Variants in OSBPL9 observed in about 807,000 individuals in gnomAD.
The protein encoded by OSBPL9 is oxysterol binding protein like 9.
OSBPL9 carries 40 observed loss-of-function variants against 106.6 expected under a neutral mutation model. That is an observed-to-expected ratio of 0.38 (90% CI 0.29 to 0.49). The LOEUF is 0.49. Among genes scored for constraint, OSBPL9 ranks in the 20% least tolerant of loss-of-function variants. The pLI is 0.97. For missense variants in OSBPL9, 609 were observed against 887.2 expected (o/e 0.69, Z 3.98); for synonymous variants, 269 against 295.4 (o/e 0.91, Z 0.92).
At chr1:51,752,071 G>A (rs570857878) in intron 8 of OSBPL9, among the ~76,000 whole-genome samples, 57 of 152,130 alleles carry the variant, frequency 3.7e-4, no homozygotes, top group African/African-American at 1.1e-3. Flanking sequence ...AAATGAGACC[G>A]TGTCACTTGC....
intron 1 of OSBPL9, among the ~76,000 whole-genome samples, chr1:51,593,717 T>C (rs1645287282): frequency 6.6e-6 from 1 of 152,070 alleles, no homozygotes; most frequent in Non-Finnish European, 1.5e-5. Flanking sequence ...AAAACAGTAT[T>C]ACTTGTATCA....
chr1:51,763,164 C>T (rs1671882485), intron 11 of OSBPL9, among the ~76,000 whole-genome samples: 1 of 152,002 alleles, frequency 6.6e-6, no homozygotes, highest in African/African-American at 2.4e-5. Flanking sequence ...CGCCACCACG[C>T]CCCACAAATT....
chr1:51,777,327 T>C (rs777439065), intron 15 of OSBPL9, among the ~76,000 whole-genome samples: 67 of 152,352 alleles, frequency 4.4e-4, no homozygotes, highest in Admixed American at 2.5e-3. Flanking sequence ...GGAAAAGTCA[T>C]GTCTGCCCTT....
intron 1 of OSBPL9, among the ~76,000 whole-genome samples, chr1:51,581,512 G>C (rs994431632): frequency 1.3e-5 from 2 of 152,190 alleles, no homozygotes; most frequent in Non-Finnish European, 2.9e-5. Context: ...GCAGTGGGGA[G>C]ATATGCTCCA....
At chr1:51,537,355 A>G in the OSBPL9 span, among the ~76,000 whole-genome samples, 1 of 152,090 alleles carries the variant, frequency 6.6e-6, no homozygotes, top group Non-Finnish European at 1.5e-5. Flanking sequence ...AAGATGTTCC[A>G]GGCTTATCTT....
At chr1:51,722,945 G>C (rs556461397) in intron 4 of OSBPL9, among the ~76,000 whole-genome samples, 1 of 152,308 alleles carries the variant, frequency 6.6e-6, no homozygotes, top group Non-Finnish European at 1.5e-5. Context: ...CAAATGCCTA[G>C]GGTAAATATG....
chr1:51,555,287 C>A, the OSBPL9 span, among the ~76,000 whole-genome samples: 1 of 151,884 alleles, frequency 6.6e-6, no homozygotes, highest in Non-Finnish European at 1.5e-5. Context: ...GTCAGGAGTT[C>A]GAGACCAGCC....
chr1:51,760,496 G>T (rs41305868), intron 9 of OSBPL9, 194 bp from the exon 10 acceptor site: 8,509 of 655,276 alleles, frequency 0.013, 82 homozygotes, highest in African/African-American at 0.044. Flanking sequence ...TTCATTCATT[G>T]TCTTTCCTTA....
At chr1:51,655,277 A>G (rs762742015) in intron 2 of OSBPL9, among the ~76,000 whole-genome samples, 4 of 152,084 alleles carry the variant, frequency 2.6e-5, no homozygotes, top group African/African-American at 9.7e-5. Flanking sequence ...GCAGAATTCA[A>G]TTCCTTGTGA....
intron 3 of OSBPL9, among the ~76,000 whole-genome samples, chr1:51,692,560 C>G (rs1202395882): frequency 6.6e-6 from 1 of 151,974 alleles, no homozygotes; most frequent in Non-Finnish European, 1.5e-5. Flanking sequence ...CTTACAGGAC[C>G]ACTGTCATAT....
chr1:51,698,813 C>T (rs902452053), intron 3 of OSBPL9, among the ~76,000 whole-genome samples: 2 of 152,176 alleles, frequency 1.3e-5, no homozygotes, highest in Non-Finnish European at 1.5e-5. Flanking sequence ...AATTTTACTT[C>T]TAGAGAGTTG....
the OSBPL9 span, among the ~76,000 whole-genome samples, chr1:51,552,458 A>G: frequency 1.3e-5 from 2 of 152,258 alleles, no homozygotes; most frequent in Admixed American, 1.3e-4. Flanking sequence ...CAGCTAATAC[A>G]TAATGGAGCC....
At chr1:51,631,592 G>T (rs570945598) in intron 1 of OSBPL9, among the ~76,000 whole-genome samples, 2 of 152,070 alleles carry the variant, frequency 1.3e-5, no homozygotes, top group Non-Finnish European at 2.9e-5. Flanking sequence ...GATGTTATCT[G>T]CAGAAGTAAT....
the OSBPL9 span, among the ~76,000 whole-genome samples, chr1:51,558,372 A>C: frequency 1.3e-5 from 2 of 152,280 alleles, no homozygotes; most frequent in Non-Finnish European, 2.9e-5. Flanking sequence ...AAACTAACAA[A>C]ATAGAAATTA....
intron 4 of OSBPL9, among the ~76,000 whole-genome samples, chr1:51,742,479 C>T (rs971400290): frequency 6.6e-6 from 1 of 152,028 alleles, no homozygotes; most frequent in Non-Finnish European, 1.5e-5. Context: ...CTTTTGGGGA[C>T]ACTGAGGTGG....
chr1:51,608,120 A>T (rs780429797), intron 2 of OSBPL9, among the ~76,000 whole-genome samples: 1 of 152,094 alleles, frequency 6.6e-6, no homozygotes, highest in Non-Finnish European at 1.5e-5. Flanking sequence ...TTCCTAGAGG[A>T]AGGTCATATA....
the OSBPL9 span, among the ~76,000 whole-genome samples, chr1:51,558,354 G>A: frequency 6.6e-6 from 1 of 152,042 alleles, no homozygotes; most frequent in Non-Finnish European, 1.5e-5. Context: ...GGACCAGACT[G>A]CCTTTGTAAA....
chr1:51,784,115 T>G, intron 18 of OSBPL9, 90 bp downstream of exon 18: 1 of 1,408,212 alleles, frequency 7.1e-7, no homozygotes, highest in Non-Finnish European at 1.0e-6. Context: ...CAACTAAGCA[T>G]TGGTATTGGG....
chr1:51,760,604 T>C, intron 9 of OSBPL9, 86 bp from the exon 10 acceptor site: 2 of 1,587,388 alleles, frequency 1.3e-6, no homozygotes, highest in Middle Eastern at 1.7e-4. Flanking sequence ...CCTCAGGATT[T>C]TGAAGTCATA....
Sources: allele counts gnomAD v4.1 joint callset (sites outside exome capture counted in the v4.1 genomes callset), GRCh38; gene constraint gnomAD v4.1.1; transcripts MANE v1.5; gene names NCBI Gene and HGNC (gene_info 2026-07-23, HGNC 2026-07-21).